The following RIMKLA variants were observed in gnomAD, a reference collection of about 807,000 sequenced individuals.
RIMKLA encodes the protein ribosomal modification protein rimK like family member A.
RIMKLA carries 14 observed loss-of-function variants against 32.7 expected under a neutral mutation model. The ratio of observed to expected loss-of-function variants is 0.43; its 90% CI spans 0.28 to 0.67. The LOEUF (loss-of-function observed/expected upper bound fraction) is 0.67, where lower values mean the gene tolerates loss of function less well. Ranked by LOEUF, RIMKLA falls within the 30% of genes least tolerant of loss-of-function variation. The pLI, the probability that RIMKLA is intolerant of heterozygous loss-of-function variation, is 0.18. For synonymous variants in RIMKLA, 176 were observed against 204.1 expected (o/e 0.86, Z 1.18); for missense variants, 410 against 519.0 (o/e 0.79, Z 2.04).
chr1:42,407,773 A>G (rs1027640639), intron 3 of RIMKLA, among the ~76,000 whole-genome samples: 2 of 152,208 alleles, frequency 1.3e-5, no homozygotes, highest in Admixed American at 6.5e-5. Flanking sequence ...GGGATTAACC[A>G]TCCTTGTTAT....
At chr1:42,390,235 A>C (rs1417963151) in intron 1 of RIMKLA, among the ~76,000 whole-genome samples, 1 of 152,040 alleles carries the variant, frequency 6.6e-6, no homozygotes, top group African/African-American at 2.4e-5. Flanking sequence ...ATGGGGTTTT[A>C]CCATGCTAGC....
intron 1 of RIMKLA, 114 bp downstream of exon 1, chr1:42,381,211 C>T: frequency 1.3e-6 from 1 of 745,024 alleles, no homozygotes; most frequent in Admixed American, 4.3e-5. Context: ...GGCCCGCACA[C>T]TAGCCGCACT....
intron 1 of RIMKLA, among the ~76,000 whole-genome samples, chr1:42,387,394 T>A (rs912283557): frequency 1.6e-5 from 2 of 125,872 alleles, no homozygotes; most frequent in African/African-American, 5.4e-5. Flanking sequence ...GAGACCCTGT[T>A]TCAAAAAAAA....
In RIMKLA at chr1:42,385,898, C is replaced by CTTT. The variant is rs1366780999; in HGVS notation, c.163+4801_163+4802insTTT. On this transcript the variant is annotated intron_variant, in intron 1 of 4. Coordinates refer to ENST00000431473, the MANE Select transcript of RIMKLA (RefSeq NM_173642.4). Reference sequence around the variant, plus strand: ...TCTTTCTTTCTTTCTTTCTTTCTTTCCTTCTTTCCTTCTTTCCTTCTTTCT... The same window carrying CTTT: ...TCTTTCTTTCTTTCTTTCTTTCTTTCTTTCTTCTTTCCTTCTTTCCTTCTTTCT... Among the ~76,000 whole-genome samples the CTTT allele has an allele frequency of 8.5e-4, 74 of 86,654 alleles. 1 individual carries two copies. Among genetic ancestry groups the CTTT allele is most frequent in the South Asian group, 3.0e-3 (8 of 2,630 alleles). 56.8% of individuals were successfully genotyped at this position (86,654 alleles called of 152,430 possible).
chr1:42,381,265 C>G (rs1642886626), intron 1 of RIMKLA, among the ~76,000 whole-genome samples, 168 bp downstream of exon 1: 1 of 152,228 alleles, frequency 6.6e-6, no homozygotes, highest in African/African-American at 2.4e-5. Flanking sequence ...CGCTAACCTT[C>G]ATAGCTTCTT....
intron 1 of RIMKLA, among the ~76,000 whole-genome samples, chr1:42,390,691 A>G (rs1413108751): frequency 6.6e-6 from 1 of 152,176 alleles, no homozygotes; most frequent in Non-Finnish European, 1.5e-5. Flanking sequence ...ATAAAAGTGT[A>G]AGATAAGAAG....
At position 42,415,170 on chromosome 1, in the gene RIMKLA, T is replaced by A. The variant is rs1643235441; in HGVS notation, c.*196T>A. ...TTTACAAAGACAAATATAAAAACAC[T>A]CAAGAACAACGTCCCGACTGATCAG... On this transcript the variant is annotated 3_prime_UTR_variant, in exon 5 of 5. Coordinates refer to ENST00000431473, the MANE Select transcript of RIMKLA (RefSeq NM_173642.4). 1 of 597,496 alleles carries A rather than the reference T, an allele frequency of 1.7e-6. No individual in the cohort carries two copies. Among genetic ancestry groups the A allele is most frequent in the Non-Finnish European group, 2.9e-6 (1 of 343,522 alleles). 37.0% of individuals were successfully genotyped at this position (597,496 alleles called of 1,614,324 possible). A position where few individuals can be genotyped will look rare whatever the true frequency, so the allele number is the denominator to read the frequency against.
chr1:42,398,432 T>C (rs1261486574), intron 1 of RIMKLA, among the ~76,000 whole-genome samples: 1 of 152,182 alleles, frequency 6.6e-6, no homozygotes, highest in Non-Finnish European at 1.5e-5. Flanking sequence ...TTTCAGAAAG[T>C]TTTTTGTTGT....
intron 1 of RIMKLA, among the ~76,000 whole-genome samples, chr1:42,391,371 A>C (rs1299591412): frequency 6.6e-6 from 1 of 152,092 alleles, no homozygotes; most frequent in African/African-American, 2.4e-5. Context: ...GCCTGATGAG[A>C]TTCAGGCTGG....
At chr1:42,396,954 C>T (rs567015933) in intron 1 of RIMKLA, among the ~76,000 whole-genome samples, 1 of 152,246 alleles carries the variant, frequency 6.6e-6, no homozygotes, top group East Asian at 1.9e-4. Context: ...GTTACTTTTA[C>T]CTTTCGCATT....
At chr1:42,385,759 CTTTCTTTCTT>C (rs1475361595) in intron 1 of RIMKLA, among the ~76,000 whole-genome samples, 7 of 79,992 alleles carry the variant, frequency 8.8e-5, no homozygotes, top group Non-Finnish European at 1.7e-4. Context: ...TTCTTTCTTT[CTTTCTTTCTT>C]TGTTTCTTTG....
rs1553177720 is a variant in RIMKLA, at chr1:42,416,094, G to GGGGC, written c.*1123_*1124insCGGG. The GGGGC allele has an allele frequency of 7.3e-6, 1 of 136,996 alleles. No homozygotes were observed. Among genetic ancestry groups the GGGGC allele is most frequent in the Non-Finnish European group, 1.6e-5 (1 of 61,334 alleles). 8.5% of individuals were successfully genotyped at this position (136,996 alleles called of 1,614,324 possible). A position where few individuals can be genotyped will look rare whatever the true frequency, so the allele number is the denominator to read the frequency against. ...TACCCATTGCACATTTTGCGGGGGG[G>GGGGC]GGGGCTAATGTAGACATGACACCAA... On this transcript the variant is annotated 3_prime_UTR_variant, in exon 5 of 5. Transcript: ENST00000431473.
At position 42,404,595 on chromosome 1, in the gene RIMKLA, G is replaced by A. The variant is rs368983518; in HGVS notation, c.479G>A (p.Arg160Gln). 1.0e-5 allele frequency: 16 copies of A among 1,604,396 alleles called. No individual in the cohort carries two copies. The highest frequency in any genetic ancestry group is 5.0e-5 in the Admixed American group (3 of 59,992). The change falls in exon 3 of 5, where the codon CGG becomes CAG. Residue 160 changes from arginine to glutamine, a missense_variant and splice_region_variant. Arg to Gln is a conservative substitution (Grantham distance 43). Transcript: ENST00000431473. ...PVVVKSTRGH[R>Q]GKAVFLARDK... ...GTGGTGAAGAGCACACGAGGCCACC[G>A]GGGTCAGTGCCACCTCTCCAGGGCT...
chr1:42,415,345 G>A lies in RIMKLA; in HGVS notation c.*371G>A. 4.7e-6 allele frequency: 1 copy of A among 212,770 alleles called. No homozygotes were observed. The highest frequency in any genetic ancestry group is 9.5e-6 in the Non-Finnish European group (1 of 105,792). 13.2% of individuals were successfully genotyped at this position (212,770 alleles called of 1,614,324 possible). A position where few individuals can be genotyped will look rare whatever the true frequency, so the allele number is the denominator to read the frequency against. On this transcript the variant is annotated 3_prime_UTR_variant, in exon 5 of 5. Transcript: ENST00000431473. Reference sequence around the variant, plus strand: ...ACTCAAAAGCAACCACGGGATGGAAGCATGTGCAGACGAGGTGGAATGTGA... The same window carrying A: ...ACTCAAAAGCAACCACGGGATGGAAACATGTGCAGACGAGGTGGAATGTGA...
intron 3 of RIMKLA, among the ~76,000 whole-genome samples, chr1:42,407,478 T>C (rs1052094735): frequency 2.0e-5 from 3 of 152,210 alleles, no homozygotes; most frequent in Non-Finnish European, 2.9e-5. Context: ...GAGTCTTTGA[T>C]ACATTTTGAG....
At chr1:42,407,556 C>T (rs185904468) in intron 3 of RIMKLA, among the ~76,000 whole-genome samples, 164 of 152,258 alleles carry the variant, frequency 1.1e-3, no homozygotes, top group Non-Finnish European at 1.8e-3. Flanking sequence ...ATCCAGTTTT[C>T]CCAGTACCAT....
chr1:42,382,724 G>A (rs1260630107), intron 1 of RIMKLA, among the ~76,000 whole-genome samples: 1 of 152,078 alleles, frequency 6.6e-6, no homozygotes, highest in Non-Finnish European at 1.5e-5. Context: ...TCATTTTAAA[G>A]AATCAGTCCT....
At chr1:42,382,804 G>A (rs974809595) in intron 1 of RIMKLA, among the ~76,000 whole-genome samples, 22 of 152,076 alleles carry the variant, frequency 1.4e-4, no homozygotes, top group African/African-American at 5.1e-4. Flanking sequence ...TGTCTTAAAT[G>A]TTAATAGAAT....
At chr1:42,388,057 G>C (rs949497840) in intron 1 of RIMKLA, among the ~76,000 whole-genome samples, 4 of 152,094 alleles carry the variant, frequency 2.6e-5, no homozygotes, top group Non-Finnish European at 4.4e-5. Context: ...TAGCAAGGGG[G>C]CCAGCATGGC....
Sources: allele counts gnomAD v4.1 joint callset (sites outside exome capture counted in the v4.1 genomes callset), GRCh38; gene constraint gnomAD v4.1.1; transcripts MANE v1.5; gene names NCBI Gene and HGNC (gene_info 2026-07-23, HGNC 2026-07-21).